The following EIPR1 variants were observed in gnomAD, a reference collection of about 807,000 sequenced individuals.
The protein encoded by EIPR1 is EARP and GARP complex-interacting protein 1.
Under a neutral mutation model 48.1 loss-of-function variants are expected in EIPR1, and 25 were observed. The observed-to-expected ratio is 0.52, with a 90% CI of 0.38 to 0.73. The LOEUF (loss-of-function observed/expected upper bound fraction) is 0.73. Ranked by LOEUF, EIPR1 falls within the 30% of genes least tolerant of loss-of-function variation. EIPR1 has a pLI of 0.00. For missense variants in EIPR1, 415 were observed against 506.2 expected, an observed-to-expected ratio of 0.82 and a Z score of 1.73; for synonymous variants, 204 against 201.9, an observed-to-expected ratio of 1.01 and a Z score of -0.09.
chr2:3,267,166 T>C (rs1000806712), intron 3 of EIPR1, among the ~76,000 whole-genome samples: 5 of 152,214 alleles, frequency 3.3e-5, no homozygotes, highest in African/African-American at 1.2e-4. Flanking sequence ...CCTGCGGCTA[T>C]TTCTCCAATC....
intron 3 of EIPR1, among the ~76,000 whole-genome samples, chr2:3,280,368 C>A (rs1422125259): frequency 6.6e-6 from 1 of 152,210 alleles, no homozygotes; most frequent in Non-Finnish European, 1.5e-5. Flanking sequence ...GGCCTCGTTC[C>A]CATCCTCCAG....
intron 4 of EIPR1, among the ~76,000 whole-genome samples, chr2:3,235,542 G>A (rs1297384884): frequency 2.6e-5 from 4 of 152,168 alleles, no homozygotes; most frequent in Admixed American, 6.5e-5. Flanking sequence ...TCAGGTCCAC[G>A]CTACAGCACT....
At chr2:3,292,858 G>GA (rs57175137) in intron 3 of EIPR1, among the ~76,000 whole-genome samples, 4,437 of 120,052 alleles carry the variant, frequency 0.037, 51 homozygotes, top group Middle Eastern at 0.041. Context: ...AAAATGTTTT[G>GA]AAAAAAAAAA....
intron 1 of EIPR1, among the ~76,000 whole-genome samples, chr2:3,356,184 C>T (rs1158696510): frequency 1.3e-5 from 2 of 152,210 alleles, no homozygotes; most frequent in African/African-American, 2.4e-5. Flanking sequence ...CAACCCCTAC[C>T]CCCATGGGTC....
chr2:3,334,949 G>A (rs954988725), intron 3 of EIPR1, among the ~76,000 whole-genome samples: 2 of 152,182 alleles, frequency 1.3e-5, no homozygotes, highest in Non-Finnish European at 2.9e-5. Flanking sequence ...ACCTGTGGAC[G>A]ACCAACAAGA....
intron 3 of EIPR1, among the ~76,000 whole-genome samples, chr2:3,332,444 C>G (rs965704105): frequency 6.6e-6 from 1 of 152,332 alleles, no homozygotes; most frequent in Non-Finnish European, 1.5e-5. Flanking sequence ...ACCACAGCCT[C>G]TCAGGGCTCC....
At chr2:3,222,096 C>T (rs900345191) in intron 4 of EIPR1, among the ~76,000 whole-genome samples, 16 of 152,172 alleles carry the variant, frequency 1.1e-4, no homozygotes, top group Non-Finnish European at 2.4e-4. Flanking sequence ...CCTCTACATG[C>T]ACATCCAGCA....
chr2:3,274,041 T>G (rs1254245848), intron 3 of EIPR1, among the ~76,000 whole-genome samples: 1 of 152,322 alleles, frequency 6.6e-6, no homozygotes, highest in East Asian at 1.9e-4. Flanking sequence ...TGTTGGCAAT[T>G]TAACAGCAGA....
At position 3,203,615 on chromosome 2, in the gene EIPR1, G is replaced by C. The variant is rs538137859; in HGVS notation, c.517-6598C>G. On this transcript the variant is annotated intron_variant, in intron 5 of 8. Transcript: ENST00000382125. ...GTGACATGAGGAGGCTGAAAACCAGGGAAGCCGGAGGCAGAAGAGGCCCAT... is the reference window on the plus strand; with the variant it reads ...GTGACATGAGGAGGCTGAAAACCAGCGAAGCCGGAGGCAGAAGAGGCCCAT... 1.7e-3 allele frequency among the ~76,000 whole-genome samples: 261 copies of C among 152,350 alleles called. 1 individual carries two copies. The highest frequency in any genetic ancestry group is 5.8e-3 in the African/African-American group (241 of 41,592).
chr2:3,248,985 C>T (rs2103204145), intron 4 of EIPR1, among the ~76,000 whole-genome samples: 1 of 152,262 alleles, frequency 6.6e-6, no homozygotes, highest in East Asian at 1.9e-4. Flanking sequence ...TTATAAATTA[C>T]TCAGTCTCAT....
At chr2:3,332,428 G>A (rs985934756) in intron 3 of EIPR1, among the ~76,000 whole-genome samples, 4 of 152,200 alleles carry the variant, frequency 2.6e-5, no homozygotes, top group Non-Finnish European at 4.4e-5. Context: ...TCTTCCAGGT[G>A]GCAACACCAC....
chr2:3,344,814 TG>T (rs1670353101), intron 2 of EIPR1, among the ~76,000 whole-genome samples: 1 of 151,920 alleles, frequency 6.6e-6, no homozygotes, highest in Non-Finnish European at 1.5e-5. Context: ...AGCTAATTTT[TG>T]TATTTTTAGT....
At chr2:3,220,555 G>C (rs1311503429) in intron 4 of EIPR1, among the ~76,000 whole-genome samples, 3 of 151,932 alleles carry the variant, frequency 2.0e-5, no homozygotes, top group Non-Finnish European at 2.9e-5. Context: ...ACACTCTAGA[G>C]CATTCACAGT....
intron 5 of EIPR1, among the ~76,000 whole-genome samples, chr2:3,198,527 T>C (rs1332684769): frequency 1.3e-5 from 2 of 152,318 alleles, no homozygotes; most frequent in East Asian, 3.9e-4. Context: ...TTGCAGAGCC[T>C]TGTTATCGGG....
chr2:3,298,746 C>T (rs1485976375), intron 3 of EIPR1, among the ~76,000 whole-genome samples: 1 of 152,114 alleles, frequency 6.6e-6, no homozygotes, highest in African/African-American at 2.4e-5. Context: ...GGTGCTCGGG[C>T]TCTCCATGAG....
chr2:3,346,579 G>A (rs561494457), intron 2 of EIPR1, among the ~76,000 whole-genome samples: 9 of 152,332 alleles, frequency 5.9e-5, no homozygotes, highest in Non-Finnish European at 1.2e-4. Flanking sequence ...ATCGCAAGGT[G>A]TCAAGGAATT....
At chr2:3,285,454 A>G (rs915109908) in intron 3 of EIPR1, among the ~76,000 whole-genome samples, 2 of 152,012 alleles carry the variant, frequency 1.3e-5, no homozygotes, top group African/African-American at 2.4e-5. Context: ...GGCCAATTAA[A>G]CACTGAGCGT....
At chr2:3,365,061 C>G (rs1262918329) in intron 1 of EIPR1, among the ~76,000 whole-genome samples, 1 of 151,764 alleles carries the variant, frequency 6.6e-6, no homozygotes, top group South Asian at 2.1e-4. Flanking sequence ...TTTTTACCAT[C>G]ATATAAATGT....
intron 4 of EIPR1, among the ~76,000 whole-genome samples, chr2:3,236,278 AC>A (rs1167925615): frequency 6.6e-6 from 1 of 152,150 alleles, no homozygotes; most frequent in African/African-American, 2.4e-5. Flanking sequence ...AAGATGGGAA[AC>A]TGGGCTCAGA....
Sources: gnomAD v4.1 joint callset for allele counts (sites outside exome capture counted in the v4.1 genomes callset) on GRCh38, gnomAD v4.1.1 for gene constraint, MANE v1.5 for transcripts, NCBI Gene and HGNC (gene_info 2026-07-23, HGNC 2026-07-21) for gene names.